Variants in PTPRD observed in about 807,000 individuals in gnomAD.
PTPRD encodes the protein receptor-type tyrosine-protein phosphatase delta.
PTPRD carries 34 observed loss-of-function variants against 214.5 expected under a neutral mutation model. The observed-to-expected ratio is 0.16, with a 90% CI of 0.12 to 0.21. The LOEUF (loss-of-function observed/expected upper bound fraction) is 0.21. Ranked by LOEUF, PTPRD falls within the 10% of genes least tolerant of loss-of-function variation. PTPRD has a pLI of 1.00. For missense variants in PTPRD, 2,545 were observed against 2,398.7 expected (o/e 1.06, Z -1.27); for synonymous variants, 1,128 against 845.7 (o/e 1.33, Z -5.79).
At chr9:8,810,256 A>C (rs1448752693) in intron 11 of PTPRD, among the ~76,000 whole-genome samples, 1 of 152,188 alleles carries the variant, frequency 6.6e-6, no homozygotes, top group Non-Finnish European at 1.5e-5. Context: ...ATTGCACACA[A>C]AAAAAATCCT....
intron 8 of PTPRD, among the ~76,000 whole-genome samples, chr9:9,442,905 T>C (rs1231862012): frequency 6.6e-6 from 1 of 152,212 alleles, no homozygotes; most frequent in African/African-American, 2.4e-5. Flanking sequence ...TGTGCATCTG[T>C]ACATTTTTAT....
chr9:9,410,922 G>C (rs72702528), intron 8 of PTPRD, among the ~76,000 whole-genome samples: 10,376 of 152,228 alleles, frequency 0.068, 428 homozygotes, highest in Middle Eastern at 0.13. Context: ...ACTGGGTGAT[G>C]TTCAGTGACC....
chr9:10,359,115 T>A (rs551470538), intron 2 of PTPRD, among the ~76,000 whole-genome samples: 1 of 152,112 alleles, frequency 6.6e-6, no homozygotes, highest in South Asian at 2.1e-4. Flanking sequence ...TTTCAAAAAT[T>A]TGGAAATTCT....
At chr9:8,526,710 C>T in intron 16 of PTPRD, 66 bp from the exon 17 acceptor site, 2 of 1,348,544 alleles carry the variant, frequency 1.5e-6, no homozygotes, top group Non-Finnish European at 2.0e-6. Flanking sequence ...AAGAAGGAGG[C>T]TAGGGCTGGG....
chr9:8,709,298 A>T (rs1034280420), intron 12 of PTPRD, among the ~76,000 whole-genome samples: 1 of 151,934 alleles, frequency 6.6e-6, no homozygotes, highest in African/African-American at 2.4e-5. Context: ...GCGGATCACG[A>T]GGTCAGGAGA....
chr9:8,803,964 C>A (rs1030661154), intron 11 of PTPRD, among the ~76,000 whole-genome samples: 1 of 151,628 alleles, frequency 6.6e-6, no homozygotes, highest in African/African-American at 2.4e-5. Context: ...TTCCCTCCAC[C>A]CCCCCACAGA....
At chr9:8,705,004 T>TC (rs2098174133) in intron 12 of PTPRD, among the ~76,000 whole-genome samples, 1 of 152,124 alleles carries the variant, frequency 6.6e-6, no homozygotes, top group African/African-American at 2.4e-5. Flanking sequence ...TGTCCACAAG[T>TC]CATAACTGTA....
At chr9:10,120,428 T>C (rs767245688) in intron 3 of PTPRD, among the ~76,000 whole-genome samples, 2 of 151,982 alleles carry the variant, frequency 1.3e-5, no homozygotes, top group Non-Finnish European at 2.9e-5. Context: ...AGAGTTCAAT[T>C]AATTTTTCAA....
rs74373509 is a variant in PTPRD, at chr9:10,179,171, T to C, written c.-544-145381A>G. On this transcript the variant is annotated intron_variant, in intron 3 of 45. Transcript: ENST00000381196. The stretch of plus-strand genomic sequence containing the variant: ...TAGACATCATTCATATCAACAGCAG[T>C]GGATGCAGCAAGACACTAAAGTAAC... Among the ~76,000 whole-genome samples, 77 of 152,058 alleles carry C rather than the reference T, an allele frequency of 5.1e-4. No homozygotes were observed. In the East Asian group the frequency reaches 0.015, roughly 29 times the overall value.
chr9:8,847,402 C>A (rs1159168006), intron 11 of PTPRD, among the ~76,000 whole-genome samples: 2 of 151,992 alleles, frequency 1.3e-5, no homozygotes, highest in Non-Finnish European at 2.9e-5. Flanking sequence ...GTACACCCTG[C>A]TTCATGCTTC....
chr9:9,096,473 A>T (rs1316165297), intron 10 of PTPRD, among the ~76,000 whole-genome samples: 1 of 152,200 alleles, frequency 6.6e-6, no homozygotes, highest in Non-Finnish European at 1.5e-5. Context: ...TTGTATACTG[A>T]TTAGACATTT....
chr9:8,875,498 C>A (rs1237475903), intron 11 of PTPRD, among the ~76,000 whole-genome samples: 1 of 152,086 alleles, frequency 6.6e-6, no homozygotes, highest in Non-Finnish European at 1.5e-5. Context: ...TTGTTTGGTT[C>A]CTTTGTGCTT....
chr9:8,411,373 G>C (rs1440812909), intron 35 of PTPRD, among the ~76,000 whole-genome samples: 2 of 151,662 alleles, frequency 1.3e-5, no homozygotes, highest in Non-Finnish European at 2.9e-5. Context: ...GCGTGATCTT[G>C]GCTCACTGCA....
chr9:8,775,323 A>G (rs2095426654), intron 11 of PTPRD, among the ~76,000 whole-genome samples: 1 of 152,166 alleles, frequency 6.6e-6, no homozygotes, highest in South Asian at 2.1e-4. Flanking sequence ...AATGTTGCCT[A>G]AGCTTTCATG....
intron 10 of PTPRD, among the ~76,000 whole-genome samples, chr9:9,161,265 T>C (rs1231516986): frequency 6.6e-6 from 1 of 152,188 alleles, no homozygotes; most frequent in Non-Finnish European, 1.5e-5. Context: ...TCTCACATTG[T>C]ATATGTATAT....
At chr9:8,621,138 C>T (rs574783694) in intron 14 of PTPRD, among the ~76,000 whole-genome samples, 19 of 151,954 alleles carry the variant, frequency 1.3e-4, no homozygotes, top group African/African-American at 4.6e-4. Context: ...TCCTCAACTG[C>T]AGGGTAAGCC....
intron 11 of PTPRD, among the ~76,000 whole-genome samples, chr9:8,902,939 G>A (rs571165918): frequency 6.6e-6 from 1 of 152,170 alleles, no homozygotes; most frequent in African/African-American, 2.4e-5. Context: ...TTTATTGTTT[G>A]TTTTGTTGTT....
At chr9:8,437,270 A>G (rs1218218564) in intron 34 of PTPRD, 2 of 1,459,512 alleles carry the variant, frequency 1.4e-6, no homozygotes, top group African/African-American at 1.4e-5. Flanking sequence ...TAAATAAAAT[A>G]AAATAGAACA....
At chr9:9,845,471 AG>A (rs1320686341) in intron 5 of PTPRD, among the ~76,000 whole-genome samples, 4 of 151,650 alleles carry the variant, frequency 2.6e-5, no homozygotes, top group African/African-American at 9.7e-5. Context: ...GAAGCTCATG[AG>A]CATATACGTG....
Sources: gnomAD v4.1 joint callset for allele counts (sites outside exome capture counted in the v4.1 genomes callset) on GRCh38, gnomAD v4.1.1 for gene constraint, MANE v1.5 for transcripts, NCBI Gene and HGNC (gene_info 2026-07-23, HGNC 2026-07-21) for gene names.